Variants in NRG3 observed in about 807,000 individuals in gnomAD.
The protein encoded by NRG3 is pro-neuregulin-3, membrane-bound isoform.
A neutral mutation model predicts 66.9 loss-of-function variants in NRG3; 31 were observed. The ratio of observed to expected loss-of-function variants is 0.46; its 90% CI spans 0.35 to 0.63. The LOEUF (loss-of-function observed/expected upper bound fraction) is 0.63. NRG3 is among the 20% of genes least tolerant of loss of function. The pLI, the probability that NRG3 is intolerant of heterozygous loss-of-function variation, is 0.00. For missense variants in NRG3, 910 were observed against 878.9 expected (o/e 1.04, Z -0.45); for synonymous variants, 393 against 359.4 (o/e 1.09, Z -1.06).
intron 2 of NRG3, among the ~76,000 whole-genome samples, chr10:82,644,856 C>G (rs558392032): frequency 2.0e-5 from 3 of 152,258 alleles, no homozygotes; most frequent in East Asian, 3.9e-4. Context: ...CATTTTTCCC[C>G]TACATGGCTC....
chr10:82,098,054 T>TAC (rs61481796), intron 1 of NRG3, among the ~76,000 whole-genome samples: 2,301 of 146,768 alleles, frequency 0.016, 53 homozygotes, highest in East Asian at 0.058. Flanking sequence ...GCCACATATA[T>TAC]ACACACACAC....
Position 81,947,145 on chromosome 10 carries a change from A to C in NRG3, c.823+70982A>C, listed in dbSNP as rs1310819952. Among the ~76,000 whole-genome samples the C allele has an allele frequency of 2.0e-5, 3 of 152,224 alleles. No individual in the cohort carries two copies. In the East Asian group the frequency reaches 5.8e-4, roughly 29 times the overall value. Reference sequence around the variant, plus strand: ...CAGCCAGTTCTTGGCTTGTGGTAGCATAATTCCAGTCTTGGTCTCTGTCTA... The same window carrying C: ...CAGCCAGTTCTTGGCTTGTGGTAGCCTAATTCCAGTCTTGGTCTCTGTCTA... On this transcript the variant is annotated intron_variant, in intron 1 of 8. Transcript: ENST00000372141.
rs933455813 is a variant in NRG3, at chr10:82,431,135, A to G, written c.953+72267A>G. Reference sequence around the variant, plus strand: ...AAGCTATGAAAAACAATTGCCTCCAATTGTTTTCAATAAATGCCCTATGAA... The same window carrying G: ...AAGCTATGAAAAACAATTGCCTCCAGTTGTTTTCAATAAATGCCCTATGAA... On this transcript the variant is annotated intron_variant, in intron 2 of 8. Coordinates refer to ENST00000372141, the MANE Select transcript of NRG3 (RefSeq NM_001010848.4). Among the ~76,000 whole-genome samples the G allele has an allele frequency of 3.4e-4, 51 of 152,056 alleles. 1 individual carries two copies. The highest frequency in any genetic ancestry group is 1.0e-3 in the African/African-American group (42 of 41,422).
At chr10:82,835,811 T>C (rs1490890462) in intron 3 of NRG3, among the ~76,000 whole-genome samples, 2 of 152,170 alleles carry the variant, frequency 1.3e-5, no homozygotes, top group African/African-American at 4.8e-5. Context: ...GAACCATTAT[T>C]GGGGACTGTA....
At chr10:82,275,453 A>C (rs958079058) in intron 1 of NRG3, among the ~76,000 whole-genome samples, 1 of 152,130 alleles carries the variant, frequency 6.6e-6, no homozygotes. Flanking sequence ...TGACCTAAAA[A>C]ATTAGACTCT....
intron 3 of NRG3, among the ~76,000 whole-genome samples, chr10:82,789,741 T>A (rs1203446221): frequency 6.6e-6 from 1 of 152,136 alleles, no homozygotes; most frequent in East Asian, 1.9e-4. Flanking sequence ...TCAGGCATTA[T>A]GGGTCTTTCT....
At chr10:82,579,976 C>T (rs72829341) in intron 2 of NRG3, among the ~76,000 whole-genome samples, 1 of 151,844 alleles carries the variant, frequency 6.6e-6, no homozygotes, top group Non-Finnish European at 1.5e-5. Flanking sequence ...TCCAAGATCC[C>T]CAAGGATACC....
At chr10:82,047,360 G>T (rs1173007433) in intron 1 of NRG3, among the ~76,000 whole-genome samples, 2 of 152,080 alleles carry the variant, frequency 1.3e-5, no homozygotes, top group East Asian at 1.9e-4. Flanking sequence ...GAAAGGTCGG[G>T]TTACCCACAA....
intron 2 of NRG3, among the ~76,000 whole-genome samples, chr10:82,431,367 T>C (rs1203198567): frequency 1.3e-5 from 2 of 152,184 alleles, no homozygotes; most frequent in African/African-American, 4.8e-5. Flanking sequence ...GTTTGCTAAT[T>C]TTTAAGTCTA....
At chr10:82,724,890 T>C (rs1415956873) in intron 2 of NRG3, among the ~76,000 whole-genome samples, 1 of 152,220 alleles carries the variant, frequency 6.6e-6, no homozygotes, top group Non-Finnish European at 1.5e-5. Context: ...TCATTCTTCC[T>C]GATCAAGGTA....
intron 2 of NRG3, among the ~76,000 whole-genome samples, chr10:82,502,172 T>G (rs577039687): frequency 5.9e-5 from 9 of 152,272 alleles, no homozygotes; most frequent in Middle Eastern, 3.4e-3. Context: ...GGGTTTTTTT[T>G]GTTTGTTTTT....
At chr10:82,240,274 T>G (rs1256135127) in intron 1 of NRG3, among the ~76,000 whole-genome samples, 1 of 152,164 alleles carries the variant, frequency 6.6e-6, no homozygotes, top group Non-Finnish European at 1.5e-5. Flanking sequence ...TAAAGATAAT[T>G]TATTAAAATT....
chr10:82,959,049 G>C lies in NRG3; in HGVS notation c.1258G>C (p.Val420Leu), dbSNP rs906090627. ...SSTMAKSENL[V>L]KSHVQLQNYS... ...CACAATGGCAAAGTCAGAGAACTTG[G>C]TGAAGAGCCATGTCCAGCTGCAAAA... Residue 420 changes from valine to leucine, a missense_variant, in exon 6 of 9, where the codon GTG (valine) becomes CTG (leucine). Val to Leu is a conservative substitution (Grantham distance 32, BLOSUM62 1). Transcript: ENST00000372141. 5 of 1,605,690 alleles carry C rather than the reference G, an allele frequency of 3.1e-6. No individual in the cohort carries two copies. Among genetic ancestry groups the C allele is most frequent in the Middle Eastern group, 1.7e-4 (1 of 5,980 alleles).
At chr10:82,820,531 A>C (rs941558932) in intron 3 of NRG3, among the ~76,000 whole-genome samples, 1 of 152,200 alleles carries the variant, frequency 6.6e-6, no homozygotes, top group African/African-American at 2.4e-5. Flanking sequence ...TACTCAGAGC[A>C]TCTCTAGCAA....
intron 3 of NRG3, among the ~76,000 whole-genome samples, chr10:82,785,313 C>A (rs914251700): frequency 6.6e-6 from 1 of 151,146 alleles, no homozygotes; most frequent in Admixed American, 6.6e-5. Context: ...ACGTAACTAA[C>A]CTGCACATTG....
At chr10:82,905,552 T>C (rs1844651119) in intron 4 of NRG3, among the ~76,000 whole-genome samples, 1 of 152,148 alleles carries the variant, frequency 6.6e-6, no homozygotes, top group African/African-American at 2.4e-5. Context: ...TTTTACTGAA[T>C]TATTATTTTT....
chr10:82,391,651 T>C (rs960375852), intron 2 of NRG3, among the ~76,000 whole-genome samples: 1 of 152,108 alleles, frequency 6.6e-6, no homozygotes, highest in Non-Finnish European at 1.5e-5. Flanking sequence ...CTTCCAATCA[T>C]GCAGATGAGG....
intron 1 of NRG3, among the ~76,000 whole-genome samples, chr10:82,318,588 C>G (rs1022136675): frequency 6.6e-6 from 1 of 152,178 alleles, no homozygotes; most frequent in Non-Finnish European, 1.5e-5. Context: ...CGTGGCCCTC[C>G]TCATGCATGA....
At chr10:81,981,335 T>G (rs1003696072) in intron 1 of NRG3, among the ~76,000 whole-genome samples, 1 of 152,112 alleles carries the variant, frequency 6.6e-6, no homozygotes, top group South Asian at 2.1e-4. Flanking sequence ...GGAATAAATA[T>G]GAAAGAAGAA....
Sources: gnomAD v4.1 joint callset for allele counts (sites outside exome capture counted in the v4.1 genomes callset) on GRCh38, gnomAD v4.1.1 for gene constraint, MANE v1.5 for transcripts, NCBI Gene and HGNC (gene_info 2026-07-23, HGNC 2026-07-21) for gene names.